Variants in NRG3 observed in about 807,000 individuals in gnomAD.
NRG3 encodes the protein neuregulin 3.
In NRG3, 31 loss-of-function variants were observed where a neutral mutation model predicts 66.9. The ratio of observed to expected loss-of-function variants is 0.46; its 90% confidence interval spans 0.35 to 0.63. NRG3 has a LOEUF of 0.63. NRG3 is among the 20% of genes least tolerant of loss of function. NRG3 has a pLI of 0.00. For synonymous variants in NRG3, 393 were observed against 359.4 expected (o/e 1.09, Z -1.06); for missense variants, 910 against 878.9 (o/e 1.04, Z -0.45).
At chr10:82,769,480 CAT>C (rs1452673710) in intron 3 of NRG3, among the ~76,000 whole-genome samples, 1 of 152,066 alleles carries the variant, frequency 6.6e-6, no homozygotes, top group Admixed American at 6.6e-5. Context: ...AAATTAATAA[CAT>C]AATTTCAATA....
At chr10:81,957,478 A>G (rs1849954551) in intron 1 of NRG3, among the ~76,000 whole-genome samples, 1 of 152,220 alleles carries the variant, frequency 6.6e-6, no homozygotes, top group Admixed American at 6.5e-5. Context: ...ATACTTTGTC[A>G]TACTACCCTG....
chr10:82,672,822 T>C (rs1201262394), intron 2 of NRG3, among the ~76,000 whole-genome samples: 1 of 152,210 alleles, frequency 6.6e-6, no homozygotes, highest in Non-Finnish European at 1.5e-5. Flanking sequence ...CGATCTCGGC[T>C]TACTGCAACT....
chr10:82,763,016 C>T (rs752431489), intron 3 of NRG3, among the ~76,000 whole-genome samples: 3 of 152,110 alleles, frequency 2.0e-5, no homozygotes, highest in Non-Finnish European at 2.9e-5. Context: ...GCCAAACTGC[C>T]CTTTTCAGTG....
At chr10:81,974,088 G>T (rs1046380214) in intron 1 of NRG3, among the ~76,000 whole-genome samples, 11 of 152,084 alleles carry the variant, frequency 7.2e-5, no homozygotes, top group Non-Finnish European at 1.6e-4. Context: ...TTTTGTATAT[G>T]GTATATGGAA....
intron 1 of NRG3, among the ~76,000 whole-genome samples, chr10:82,179,126 A>T (rs1429030036): frequency 2.0e-5 from 3 of 151,910 alleles, no homozygotes; most frequent in African/African-American, 7.2e-5. Flanking sequence ...GAGTTTTTTT[A>T]AAAATTATAT....
intron 1 of NRG3, among the ~76,000 whole-genome samples, chr10:82,290,154 C>G (rs899695513): frequency 6.6e-6 from 1 of 152,168 alleles, no homozygotes; most frequent in South Asian, 2.1e-4. Context: ...TTTGGAGTTG[C>G]AATCAGCATC....
chr10:82,350,801 A>G (rs2135507531), intron 1 of NRG3, among the ~76,000 whole-genome samples: 1 of 152,226 alleles, frequency 6.6e-6, no homozygotes, highest in South Asian at 2.1e-4. Context: ...TAAGCTAGAA[A>G]GGGTTTATCA....
chr10:82,119,188 A>G (rs1286576846), intron 1 of NRG3, among the ~76,000 whole-genome samples: 1 of 152,144 alleles, frequency 6.6e-6, no homozygotes, highest in Non-Finnish European at 1.5e-5. Context: ...GAAATATTGA[A>G]TTATGAAATT....
intron 2 of NRG3, among the ~76,000 whole-genome samples, chr10:82,499,596 A>C (rs1843959309): frequency 6.6e-6 from 1 of 152,140 alleles, no homozygotes; most frequent in Non-Finnish European, 1.5e-5. Context: ...AAATGGTCTC[A>C]AATGGTCTCT....
intron 2 of NRG3, among the ~76,000 whole-genome samples, chr10:82,390,352 TG>T (rs1051436924): frequency 6.6e-6 from 1 of 151,962 alleles, no homozygotes; most frequent in African/African-American, 2.4e-5. Flanking sequence ...GTGGGGGGGC[TG>T]GGGTGGATTG....
At chr10:82,631,692 A>G (rs773829758) in intron 2 of NRG3, among the ~76,000 whole-genome samples, 15 of 150,904 alleles carry the variant, frequency 9.9e-5, no homozygotes, top group South Asian at 6.3e-4. Context: ...AGATAGCCCC[A>G]TGCAGCCTCT....
intron 2 of NRG3, among the ~76,000 whole-genome samples, chr10:82,631,294 C>T (rs1327970601): frequency 6.6e-6 from 1 of 152,050 alleles, no homozygotes; most frequent in East Asian, 1.9e-4. Context: ...GAGGGAGAGC[C>T]GTCTTGCTAG....
intron 1 of NRG3, among the ~76,000 whole-genome samples, chr10:81,992,010 G>A (rs1407818275): frequency 2.0e-5 from 3 of 152,014 alleles, no homozygotes; most frequent in Non-Finnish European, 4.4e-5. Flanking sequence ...ACTTGGCTAG[G>A]ATTCTCTTAT....
chr10:82,742,891 G>C (rs506802), intron 3 of NRG3, among the ~76,000 whole-genome samples: 117,850 of 151,936 alleles, frequency 0.78, 45,888 homozygotes, highest in Non-Finnish European at 0.79. Context: ...GTGAGCCAGC[G>C]AAGGTTTTTC....
intron 1 of NRG3, among the ~76,000 whole-genome samples, chr10:82,278,630 G>C (rs2134408978): frequency 6.6e-6 from 1 of 152,272 alleles, no homozygotes; most frequent in South Asian, 2.1e-4. Context: ...TTTGAGAACT[G>C]AAACTAGAGC....
At chr10:82,611,397 C>G (rs1359892823) in intron 2 of NRG3, among the ~76,000 whole-genome samples, 2 of 152,048 alleles carry the variant, frequency 1.3e-5, no homozygotes, top group Non-Finnish European at 2.9e-5. Context: ...AGGTATTTCT[C>G]CCAGTGCTAT....
At chr10:82,541,977 A>G (rs142280715) in intron 2 of NRG3, among the ~76,000 whole-genome samples, 1 of 152,280 alleles carries the variant, frequency 6.6e-6, no homozygotes, top group Non-Finnish European at 1.5e-5. Context: ...ATATAGGTAT[A>G]CATGTGCCAT....
At chr10:82,274,715 A>C (rs2078759041) in intron 1 of NRG3, among the ~76,000 whole-genome samples, 1 of 152,046 alleles carries the variant, frequency 6.6e-6, no homozygotes, top group East Asian at 1.9e-4. Context: ...AAAAATATTA[A>C]AAACTAAAAT....
At chr10:82,917,682 T>G (rs1267641900) in intron 4 of NRG3, among the ~76,000 whole-genome samples, 2 of 152,116 alleles carry the variant, frequency 1.3e-5, no homozygotes, top group African/African-American at 4.8e-5. Context: ...TTATAGCATC[T>G]TGAATATCCT....
Sources: allele counts gnomAD v4.1 joint callset (sites outside exome capture counted in the v4.1 genomes callset), GRCh38; gene constraint gnomAD v4.1.1; transcripts MANE v1.5; gene names NCBI Gene and HGNC (gene_info 2026-07-23, HGNC 2026-07-21).